NINL: variants seen among roughly 807,000 people sequenced by gnomAD.
NINL encodes the protein ninein like.
Under a neutral mutation model 160.3 loss-of-function variants are expected in NINL, and 153 were observed. The observed-to-expected ratio is 0.95, with a 90% CI of 0.84 to 1.09. The LOEUF is 1.09. Among genes scored for constraint, NINL ranks in the 50% least tolerant of loss-of-function variants. The pLI, the probability that NINL is intolerant of heterozygous loss-of-function variation, is 0.00. For synonymous variants in NINL, 800 were observed against 734.8 expected (o/e 1.09, Z -1.43); for missense variants, 1,829 against 1,764.0 (o/e 1.04, Z -0.66).
intron 3 of NINL, among the ~76,000 whole-genome samples, chr20:25,514,054 G>A (rs1297064584): frequency 5.3e-5 from 8 of 152,184 alleles, no homozygotes; most frequent in South Asian, 2.1e-4. Flanking sequence ...AAGTTGGGAC[G>A]GTTTAGAGGG....
In NINL at chr20:25,477,091, T is replaced by C. The variant is rs780425749; in HGVS notation, c.2202-2A>G. Reference sequence around the variant, plus strand: ...CTCAGCTCCGCCTCAGCCTCTCTCCTGTGGAAGTAGAACCGTCACACACCA... The same window carrying C: ...CTCAGCTCCGCCTCAGCCTCTCTCCCGTGGAAGTAGAACCGTCACACACCA... On this transcript the variant is annotated splice_acceptor_variant, in intron 16 of 23. Coordinates refer to ENST00000278886, the MANE Select transcript of NINL (RefSeq NM_025176.6). LOFTEE classifies it high-confidence loss of function. The C allele has an allele frequency of 1.3e-6, 2 of 1,589,066 alleles. No individual in the cohort carries two copies. Among genetic ancestry groups the C allele is most frequent in the Admixed American group, 3.4e-5 (2 of 59,298 alleles).
chr20:25,469,410 TCTTGACTCTCATTGGTGG>T (rs2063034759), intron 18 of NINL, among the ~76,000 whole-genome samples: 1 of 116,496 alleles, frequency 8.6e-6, no homozygotes, highest in Non-Finnish European at 1.7e-5. Context: ...CCCTGCCCTG[TCTTGACTCTCATTGGTGG>T]GCGGCCCACT....
chr20:25,520,527 C>T (rs1205596560), intron 2 of NINL, among the ~76,000 whole-genome samples: 2 of 152,190 alleles, frequency 1.3e-5, no homozygotes, highest in Non-Finnish European at 2.9e-5. Context: ...TGTGAGCTCA[C>T]TTTTGGCATA....
rs1315601263 is a variant in NINL, at chr20:25,560,957, G to GCTCTCC, written c.-12+24492_-12+24497dup. ...AAGAAATGCTAAACAAAGTTCTTCA[G>GCTCTCC]CTCTCCCTCTCCCTCTCCCTCTCTC... On this transcript the variant is annotated intron_variant, in intron 1 of 23. Coordinates refer to ENST00000278886, the MANE Select transcript of NINL (RefSeq NM_025176.6). Among the ~76,000 whole-genome samples, 30 of 150,338 alleles carry GCTCTCC rather than the reference G, an allele frequency of 2.0e-4. No homozygotes were observed. In the East Asian group the frequency reaches 4.3e-3, roughly 21 times the overall value.
rs2090565628 is a variant in NINL at position 25,452,810 on chromosome 20, AC to A, written c.*640del. 1.6e-5 allele frequency: 2 copies of A among 127,898 alleles called. No homozygotes were observed. The highest frequency in any genetic ancestry group is 7.8e-5 in the Admixed American group (1 of 12,862). The allele number at this position is 127,898 out of a possible 1,614,324, so 7.9% of individuals were successfully genotyped here. Reference sequence around the variant, plus strand: ...GCATACATTTCAAATATAAAACTATACTTTTTTTTTTTTTTACATATAGTAC... The same window carrying A: ...GCATACATTTCAAATATAAAACTATATTTTTTTTTTTTTTACATATAGTAC... On this transcript the variant is annotated 3_prime_UTR_variant, in exon 24 of 24. Coordinates refer to ENST00000278886, the MANE Select transcript of NINL (RefSeq NM_025176.6).
At chr20:25,494,802 G>A (rs957133439) in intron 10 of NINL, among the ~76,000 whole-genome samples, 2 of 152,220 alleles carry the variant, frequency 1.3e-5, no homozygotes, top group Admixed American at 1.3e-4. Flanking sequence ...ACTGTGCCTG[G>A]CTCTGGAAGG....
At chr20:25,574,544 C>T (rs1027358664) in intron 1 of NINL, among the ~76,000 whole-genome samples, 6 of 152,218 alleles carry the variant, frequency 3.9e-5, no homozygotes, top group African/African-American at 1.2e-4. Flanking sequence ...TCCAGGCCAC[C>T]TCCTCCTCAT....
rs952777785 is a variant in NINL at position 25,490,123 on chromosome 20, T to C, written c.1486-138A>G. 7 of 781,618 alleles carry C rather than the reference T, an allele frequency of 9.0e-6. No individual in the cohort carries two copies. In the South Asian group the frequency reaches 1.1e-4, roughly 13 times the overall value. The allele number at this position is 781,618 out of a possible 1,614,324, so 48.4% of individuals were successfully genotyped here. A position where few individuals can be genotyped will look rare whatever the true frequency, so the allele number is the denominator to read the frequency against. ...CACCCACCGCAGGCGAGGCACCTGG[T>C]GCTGTGCAGGCGGCTGTGCCGGGGA... On this transcript the variant is annotated intron_variant, in intron 11 of 23. Transcript: ENST00000278886.
chr20:25,512,859 C>T lies in NINL; in HGVS notation c.425G>A (p.Arg142His), dbSNP rs1486630257. Residue 142 changes from arginine (R) to histidine (H), a missense_variant, in exon 4 of 24, where the codon CGC becomes CAC. Arg to His is a conservative substitution (Grantham distance 29). Coordinates refer to ENST00000278886, the MANE Select transcript of NINL (RefSeq NM_025176.6). ...TQASLKSHLW[R>H]SASLESVESP... ...CTCCACGCTCTCCAGAGACGCTGAG[C>T]GCCAGAGGTGACTTTTCAGGCTGGC... 18 of 1,613,702 alleles carry T rather than the reference C, an allele frequency of 1.1e-5. No individual in the cohort carries two copies. Among genetic ancestry groups the T allele is most frequent in the African/African-American group, 4.0e-5 (3 of 74,940 alleles).
At chr20:25,478,594 AT>A (rs1320140112) in intron 16 of NINL, among the ~76,000 whole-genome samples, 2 of 152,044 alleles carry the variant, frequency 1.3e-5, no homozygotes, top group Non-Finnish European at 2.9e-5. Context: ...ATCTCCCCAC[AT>A]GCTACCCTGC....
chr20:25,556,234 T>C (rs948714764), intron 1 of NINL, among the ~76,000 whole-genome samples: 16 of 151,962 alleles, frequency 1.1e-4, no homozygotes, highest in Non-Finnish European at 2.4e-4. Flanking sequence ...CAGTAAGCCA[T>C]GATTATGCCA....
chr20:25,512,737 C>T (rs1165868363), intron 4 of NINL, 97 bp downstream of exon 4: 2 of 1,440,330 alleles, frequency 1.4e-6, no homozygotes, highest in South Asian at 1.4e-5. Flanking sequence ...GGCTGCCCTC[C>T]CCATATCTTG....
intron 1 of NINL, among the ~76,000 whole-genome samples, chr20:25,552,859 C>T (rs932350019): frequency 2.6e-5 from 4 of 152,226 alleles, no homozygotes; most frequent in Admixed American, 2.0e-4. Context: ...AGCCTATCTG[C>T]GAAGGTCAGT....
intron 1 of NINL, among the ~76,000 whole-genome samples, chr20:25,527,758 C>T (rs935310185): frequency 5.3e-5 from 8 of 152,064 alleles, no homozygotes; most frequent in Non-Finnish European, 1.0e-4. Flanking sequence ...GGGATCTCGT[C>T]CACTGCTGGA....
intron 10 of NINL, among the ~76,000 whole-genome samples, chr20:25,495,474 T>C (rs1428056725): frequency 6.6e-6 from 1 of 151,830 alleles, no homozygotes; most frequent in East Asian, 1.9e-4. Context: ...ATGCAGAGGG[T>C]GGGCCGACCT....
intron 1 of NINL, among the ~76,000 whole-genome samples, chr20:25,527,423 G>T (rs928611446): frequency 6.6e-6 from 1 of 152,082 alleles, no homozygotes; most frequent in Non-Finnish European, 1.5e-5. Context: ...AAAGTGCTGG[G>T]ATTACAGGTG....
chr20:25,569,153 AGGAGGT>A (rs2147163024), intron 1 of NINL, among the ~76,000 whole-genome samples: 2 of 151,446 alleles, frequency 1.3e-5, no homozygotes, highest in Admixed American at 1.3e-4. Flanking sequence ...ACTTGAACCC[AGGAGGT>A]GGAGGTTGCA....
At chr20:25,563,026 C>T (rs376652786) in intron 1 of NINL, among the ~76,000 whole-genome samples, 22 of 152,152 alleles carry the variant, frequency 1.4e-4, no homozygotes, top group African/African-American at 5.1e-4. Context: ...ATTAGCTGGG[C>T]GTGGTGGCGG....
intron 2 of NINL, among the ~76,000 whole-genome samples, chr20:25,524,729 T>C (rs186761399): frequency 6.8e-4 from 104 of 152,284 alleles, no homozygotes; most frequent in Non-Finnish European, 1.4e-3. Flanking sequence ...GTATCATTCC[T>C]GTAAACATAA....
Sources: allele counts gnomAD v4.1 joint callset (sites outside exome capture counted in the v4.1 genomes callset), GRCh38; gene constraint gnomAD v4.1.1; transcripts MANE v1.5; gene names NCBI Gene and HGNC (gene_info 2026-07-23, HGNC 2026-07-21).